FYB1: variants seen among roughly 807,000 people sequenced by gnomAD.
FYB1 encodes the protein FYN binding protein 1.
FYB1 carries 41 observed loss-of-function variants against 94.1 expected under a neutral mutation model. That is an observed-to-expected ratio of 0.44 (90% CI 0.34 to 0.57). The LOEUF (loss-of-function observed/expected upper bound fraction) is 0.57. Among genes scored for constraint, FYB1 ranks in the 20% least tolerant of loss-of-function variants. The pLI, the probability that FYB1 is intolerant of heterozygous loss-of-function variation, is 0.02. For missense variants in FYB1, 1,050 were observed against 976.8 expected (o/e 1.07, Z -1.00); for synonymous variants, 367 against 353.2 (o/e 1.04, Z -0.44).
chr5:39,169,139 G>A lies in FYB1; in HGVS notation c.1136-15535C>T, dbSNP rs1745012737. On this transcript the variant is annotated intron_variant, in intron 2 of 18. Transcript: ENST00000512982. ...TTGTGCACATTCTCAGAAATTTTAG[G>A]CAATTGGCCTTCTTGCAGATCCCAA... 5.6e-6 allele frequency: 4 copies of A among 708,272 alleles called. No individual in the cohort carries two copies. The Admixed American group carries it at 6.0e-5, about 11-fold the overall frequency. 43.9% of individuals were successfully genotyped at this position (708,272 alleles called of 1,614,324 possible).
chr5:39,111,194 A>C (rs1427459101), intron 16 of FYB1, among the ~76,000 whole-genome samples: 2 of 151,958 alleles, frequency 1.3e-5, no homozygotes, highest in East Asian at 3.9e-4. Flanking sequence ...ATGCCTGCTG[A>C]TATCTAATTA....
chr5:39,125,888 T>C (rs1165866171), intron 12 of FYB1, 110 bp downstream of exon 12: 13 of 1,071,270 alleles, frequency 1.2e-5, no homozygotes, highest in Non-Finnish European at 1.7e-5. Context: ...TGCATTAAGA[T>C]GATTTAAGTC....
intron 1 of FYB1, among the ~76,000 whole-genome samples, chr5:39,271,194 G>A (rs1752653341): frequency 6.6e-6 from 1 of 151,936 alleles, no homozygotes; most frequent in Non-Finnish European, 1.5e-5. Flanking sequence ...GTATTTAAAT[G>A]AAGGAAACAC....
intron 1 of FYB1, among the ~76,000 whole-genome samples, chr5:39,204,061 T>A (rs889046973): frequency 2.0e-5 from 3 of 152,174 alleles, no homozygotes; most frequent in Non-Finnish European, 2.9e-5. Context: ...ACCCATAACA[T>A]GCTTTCCTAC....
At chr5:39,253,074 G>T (rs547356285) in intron 1 of FYB1, among the ~76,000 whole-genome samples, 5 of 152,246 alleles carry the variant, frequency 3.3e-5, no homozygotes, top group African/African-American at 1.2e-4. Context: ...GAAACAATCC[G>T]ATTTTTTCTA....
At chr5:39,218,217 C>G (rs1483293537) in intron 1 of FYB1, among the ~76,000 whole-genome samples, 1 of 152,208 alleles carries the variant, frequency 6.6e-6, no homozygotes, top group Non-Finnish European at 1.5e-5. Flanking sequence ...AACTTTTCCA[C>G]GGGGTGCCTT....
intron 1 of FYB1, among the ~76,000 whole-genome samples, chr5:39,271,962 T>C (rs1752680189): frequency 6.6e-6 from 1 of 152,134 alleles, no homozygotes; most frequent in Admixed American, 6.5e-5. Context: ...GAGACATTCT[T>C]TACTTTCACT....
At chr5:39,252,072 G>A (rs768699595) in intron 1 of FYB1, among the ~76,000 whole-genome samples, 1 of 152,184 alleles carries the variant, frequency 6.6e-6, no homozygotes, top group Admixed American at 6.5e-5. Flanking sequence ...GTGAACACGG[G>A]AGGCGGAGCT....
At chr5:39,260,310 A>G (rs1351549223) in intron 1 of FYB1, among the ~76,000 whole-genome samples, 1 of 152,212 alleles carries the variant, frequency 6.6e-6, no homozygotes, top group Non-Finnish European at 1.5e-5. Flanking sequence ...ATTGGAGCAC[A>G]GCCACACCCA....
rs947477335 is a variant in FYB1 at position 39,201,686 on chromosome 5, C to A, written c.1135+140G>T. On this transcript the variant is annotated intron_variant, in intron 2 of 18. Coordinates refer to ENST00000512982, the MANE Select transcript of FYB1 (RefSeq NM_001465.6). Reference sequence around the variant, plus strand: ...AGACCTCCCACATGAAAGAAAAAAACAAGACAAAGAAAATTCATTATACAC... The same window carrying A: ...AGACCTCCCACATGAAAGAAAAAAAAAAGACAAAGAAAATTCATTATACAC... The A allele has an allele frequency of 1.0e-5, 8 of 772,246 alleles. No individual in the cohort carries two copies. In the Admixed American group the frequency reaches 1.4e-4, roughly 13 times the overall value. 47.8% of individuals were successfully genotyped at this position (772,246 alleles called of 1,614,324 possible). A position where few individuals can be genotyped will look rare whatever the true frequency, so the allele number is the denominator to read the frequency against.
At chr5:39,205,679 G>T (rs539446406) in intron 1 of FYB1, among the ~76,000 whole-genome samples, 4 of 152,254 alleles carry the variant, frequency 2.6e-5, no homozygotes, top group East Asian at 3.9e-4. Context: ...GGATTGGAAC[G>T]TAAGTCTCTC....
At chr5:39,148,543 A>C (rs1742979044) in intron 3 of FYB1, among the ~76,000 whole-genome samples, 1 of 151,548 alleles carries the variant, frequency 6.6e-6, no homozygotes, top group Non-Finnish European at 1.5e-5. Context: ...GAGGAATTTG[A>C]AAACTGACTT....
chr5:39,256,239 C>T (rs1478041363), intron 1 of FYB1, among the ~76,000 whole-genome samples: 2 of 152,116 alleles, frequency 1.3e-5, no homozygotes, highest in Non-Finnish European at 2.9e-5. Flanking sequence ...TGCAATGAAC[C>T]CAAAGGAGAA....
At chr5:39,110,137 A>T (rs1738921297) in intron 17 of FYB1, among the ~76,000 whole-genome samples, 1 of 152,168 alleles carries the variant, frequency 6.6e-6, no homozygotes, top group Non-Finnish European at 1.5e-5. Context: ...TACAATTTTA[A>T]ATGAGAAGGG....
At chr5:39,192,749 G>T (rs1485226101) in intron 2 of FYB1, among the ~76,000 whole-genome samples, 1 of 152,216 alleles carries the variant, frequency 6.6e-6, no homozygotes, top group Non-Finnish European at 1.5e-5. Context: ...CTATTGTTGA[G>T]CTAAAGTTAA....
chr5:39,224,574 C>A, upstream of FYB1, among the ~76,000 whole-genome samples: 1 of 152,144 alleles, frequency 6.6e-6, no homozygotes, highest in East Asian at 1.9e-4. Flanking sequence ...CTCTAGAGAG[C>A]TCATTGTCTG....
chr5:39,136,623 C>T (rs1016548332), intron 7 of FYB1, among the ~76,000 whole-genome samples: 4 of 152,046 alleles, frequency 2.6e-5, no homozygotes, highest in Admixed American at 6.6e-5. Context: ...TAAGAATCAG[C>T]GGCTCAGAGA....
chr5:39,195,479 A>AATTT (rs1342156564), intron 2 of FYB1, among the ~76,000 whole-genome samples: 1 of 152,200 alleles, frequency 6.6e-6, no homozygotes, highest in African/African-American at 2.4e-5. Flanking sequence ...TGCTGGTGAA[A>AATTT]ATAGCCCAGG....
intron 2 of FYB1, chr5:39,169,118 G>T: frequency 1.5e-6 from 1 of 674,572 alleles, no homozygotes; most frequent in Non-Finnish European, 2.7e-6. Flanking sequence ...ATAATCTTGT[G>T]CACATTCTCA....
Sources: allele counts gnomAD v4.1 joint callset (sites outside exome capture counted in the v4.1 genomes callset), GRCh38; gene constraint gnomAD v4.1.1; transcripts MANE v1.5; gene names NCBI Gene and HGNC (gene_info 2026-07-23, HGNC 2026-07-21).